The following PARD3B variants were observed in gnomAD, a reference collection of about 807,000 sequenced individuals.
PARD3B encodes the protein partitioning defective 3 homolog B.
A neutral mutation model predicts 130.2 loss-of-function variants in PARD3B; 103 were observed. The observed-to-expected ratio is 0.79, with a 90% CI of 0.67 to 0.93. PARD3B has a LOEUF of 0.93. Among genes scored for constraint, PARD3B ranks in the 40% least tolerant of loss-of-function variants. The pLI, the probability that PARD3B is intolerant of heterozygous loss-of-function variation, is 0.00. For synonymous variants in PARD3B, 583 were observed against 553.2 expected (o/e 1.05, Z -0.76); for missense variants, 1,609 against 1,499.2 (o/e 1.07, Z -1.21).
intron 21 of PARD3B, among the ~76,000 whole-genome samples, chr2:205,545,904 A>G (rs969104451): frequency 2.6e-5 from 4 of 152,188 alleles, no homozygotes; most frequent in African/African-American, 9.7e-5. Flanking sequence ...TGGCCTCTTT[A>G]GGATATTGCT....
chr2:205,270,249 G>T (rs879399764), intron 16 of PARD3B, among the ~76,000 whole-genome samples: 7 of 152,106 alleles, frequency 4.6e-5, no homozygotes, highest in Non-Finnish European at 1.0e-4. Flanking sequence ...GGTTAGGAAT[G>T]CTCTAGGCTG....
At chr2:205,177,491 C>T (rs771019346) in intron 13 of PARD3B, among the ~76,000 whole-genome samples, 3 of 152,130 alleles carry the variant, frequency 2.0e-5, no homozygotes, top group Non-Finnish European at 2.9e-5. Context: ...TACAATATCA[C>T]ATTCAGTAGT....
At chr2:205,436,475 T>G (rs2047520302) in intron 19 of PARD3B, among the ~76,000 whole-genome samples, 1 of 152,188 alleles carries the variant, frequency 6.6e-6, no homozygotes, top group Non-Finnish European at 1.5e-5. Flanking sequence ...ATTTTCCTCC[T>G]TGAGACAGCA....
chr2:205,284,110 G>A (rs1245871671), intron 16 of PARD3B, among the ~76,000 whole-genome samples: 1 of 152,186 alleles, frequency 6.6e-6, no homozygotes, highest in East Asian at 1.9e-4. Context: ...AGGATTAGCT[G>A]TACTTAGTCA....
chr2:205,446,573 C>T lies in PARD3B; in HGVS notation c.3044+5901C>T, dbSNP rs1001756216. Reference sequence around the variant, plus strand: ...GTCCATAGTAGCTTTCTAATAGAGGCGACTTCGGTCTCATACCTACTTGCT... The same window carrying T: ...GTCCATAGTAGCTTTCTAATAGAGGTGACTTCGGTCTCATACCTACTTGCT... On this transcript the variant is annotated intron_variant, in intron 20 of 22. Coordinates refer to ENST00000406610, the MANE Select transcript of PARD3B (RefSeq NM_001302769.2). The surrounding 1 kb of genome is among the most constrained non-coding windows in gnomAD (Gnocchi z 4.4). Among the ~76,000 whole-genome samples, 2 of 151,986 alleles carry T rather than the reference C, an allele frequency of 1.3e-5. No individual in the cohort carries two copies. The highest frequency in any genetic ancestry group is 2.4e-5 in the African/African-American group (1 of 41,360).
At chr2:204,627,996 T>G (rs1180249883) in intron 1 of PARD3B, among the ~76,000 whole-genome samples, 5 of 151,866 alleles carry the variant, frequency 3.3e-5, no homozygotes, top group Non-Finnish European at 7.4e-5. Context: ...TTTTTTTTTT[T>G]TTTTAGCTGA....
intron 18 of PARD3B, among the ~76,000 whole-genome samples, chr2:205,377,400 C>G (rs555453597): frequency 2.0e-5 from 3 of 152,158 alleles, no homozygotes; most frequent in African/African-American, 7.2e-5. Flanking sequence ...TCCTCATGAT[C>G]ATAGAAGTTT....
At chr2:205,090,005 G>A (rs969351807) in intron 4 of PARD3B, among the ~76,000 whole-genome samples, 1 of 152,192 alleles carries the variant, frequency 6.6e-6, no homozygotes, top group Admixed American at 6.5e-5. Flanking sequence ...GAGGTGATTT[G>A]CTGTATTTTG....
intron 4 of PARD3B, among the ~76,000 whole-genome samples, chr2:205,090,532 C>G (rs915560598): frequency 2.9e-4 from 44 of 152,332 alleles, no homozygotes; most frequent in African/African-American, 1.1e-3. Flanking sequence ...CCACATTCCT[C>G]TGCTAGGGAG....
chr2:204,943,363 G>A lies in PARD3B; in HGVS notation c.223-21789G>A, dbSNP rs904419703. The stretch of plus-strand genomic sequence containing the variant: ...GAAAGAGGTTAGAGGTAGACTGGCT[G>A]CTGGAAAAGAGAAGCCAAGATCCCA... On this transcript the variant is annotated intron_variant, in intron 2 of 22. Coordinates refer to ENST00000406610, the MANE Select transcript of PARD3B (RefSeq NM_001302769.2). The surrounding 1 kb of genome is among the most constrained non-coding windows in gnomAD (Gnocchi z 4.2). 6.6e-5 allele frequency among the ~76,000 whole-genome samples: 10 copies of A among 152,098 alleles called. No individual in the cohort carries two copies. Among genetic ancestry groups the A allele is most frequent in the African/African-American group, 2.2e-4 (9 of 41,402 alleles).
chr2:205,203,416 A>T (rs2037098421), intron 15 of PARD3B, among the ~76,000 whole-genome samples: 1 of 141,320 alleles, frequency 7.1e-6, no homozygotes, highest in Admixed American at 7.1e-5. Context: ...CTATACTTTT[A>T]CTTTTTACTT....
intron 2 of PARD3B, among the ~76,000 whole-genome samples, chr2:204,821,487 G>C (rs1393067912): frequency 1.4e-5 from 2 of 146,772 alleles, no homozygotes; most frequent in African/African-American, 2.5e-5. Flanking sequence ...ACTCATAGGT[G>C]GGAATTGAAC....
At chr2:205,574,468 A>G (rs1340739524) in intron 22 of PARD3B, among the ~76,000 whole-genome samples, 1 of 152,134 alleles carries the variant, frequency 6.6e-6, no homozygotes, top group Non-Finnish European at 1.5e-5. Flanking sequence ...CTGCAGCTGG[A>G]CGTGTTTGTT....
chr2:205,161,668 G>A (rs1308006707), intron 11 of PARD3B, among the ~76,000 whole-genome samples: 2 of 152,192 alleles, frequency 1.3e-5, no homozygotes, highest in Non-Finnish European at 2.9e-5. Context: ...GGATACACAT[G>A]TAACAGACTA....
At chr2:204,575,536 G>A (rs1168219730) in intron 1 of PARD3B, among the ~76,000 whole-genome samples, 1 of 152,136 alleles carries the variant, frequency 6.6e-6, no homozygotes, top group Non-Finnish European at 1.5e-5. Context: ...AGCTGAACTG[G>A]CATTTTCTCT....
At chr2:205,182,973 C>G (rs554243706) in intron 13 of PARD3B, among the ~76,000 whole-genome samples, 1 of 152,210 alleles carries the variant, frequency 6.6e-6, no homozygotes, top group Admixed American at 6.5e-5. Context: ...GACAAAGAGG[C>G]CCTAGCAATG....
At chr2:205,092,026 C>T (rs1702142698) in intron 4 of PARD3B, among the ~76,000 whole-genome samples, 5 of 152,010 alleles carry the variant, frequency 3.3e-5, no homozygotes, top group Admixed American at 3.3e-4. Flanking sequence ...CCTTGAATTC[C>T]CGTGTTCAAT....
chr2:204,761,794 A>G (rs890546608), intron 2 of PARD3B, among the ~76,000 whole-genome samples: 2 of 152,148 alleles, frequency 1.3e-5, no homozygotes, highest in Admixed American at 1.3e-4. Flanking sequence ...GACCATGTCA[A>G]ACAGTGATTT....
intron 2 of PARD3B, among the ~76,000 whole-genome samples, chr2:204,884,732 A>G (rs772680192): frequency 6.6e-6 from 1 of 152,106 alleles, no homozygotes; most frequent in Non-Finnish European, 1.5e-5. Flanking sequence ...TCCTGCATCA[A>G]TTTCTTAGGT....
Sources: gnomAD v4.1 joint callset for allele counts (sites outside exome capture counted in the v4.1 genomes callset) on GRCh38, gnomAD v4.1.1 for gene constraint, Gnocchi (gnomAD v3.1) non-coding constraint, MANE v1.5 for transcripts, NCBI Gene and HGNC (gene_info 2026-07-23, HGNC 2026-07-21) for gene names.